The following STIMATE variants were observed in gnomAD, a reference collection of about 807,000 sequenced individuals.
The protein encoded by STIMATE is STIM activating enhancer.
In STIMATE, 15 loss-of-function variants were observed where a neutral mutation model predicts 36.7. That is an observed-to-expected ratio of 0.41 (90% CI 0.27 to 0.63). The LOEUF is 0.63. Among genes scored for constraint, STIMATE ranks in the 20% least tolerant of loss-of-function variants. The probability of loss-of-function intolerance (pLI) is 0.32; values close to 1 mark genes in which losing one functional copy is unlikely to be tolerated. For synonymous variants in STIMATE, 163 were observed against 162.3 expected, an observed-to-expected ratio of 1.00 and a Z score of -0.03; for missense variants, 305 against 397.3, an observed-to-expected ratio of 0.77 and a Z score of 1.98.
At position 52,887,997 on chromosome 3, in the gene STIMATE, T is replaced by TG. The variant is rs1701718959; in HGVS notation, c.160+9293_160+9294insC. Among the ~76,000 whole-genome samples the TG allele has an allele frequency of 5.1e-5, 6 of 117,924 alleles. 1 individual carries two copies. Among genetic ancestry groups the TG allele is most frequent in the South Asian group, 6.1e-4 (2 of 3,268 alleles). 77.4% of individuals were successfully genotyped at this position (117,924 alleles called of 152,430 possible). A position where few individuals can be genotyped will look rare whatever the true frequency, so the allele number is the denominator to read the frequency against. On this transcript the variant is annotated intron_variant, in intron 1 of 7. Coordinates refer to ENST00000355083, the MANE Select transcript of STIMATE (RefSeq NM_198563.5). ...CTAACTTCATATAACAGAATCAGTT[T>TG]TTTTTTTTTTTTTTTTTTTTTTTTG...
At chr3:52,840,654 C>T (rs1700781143) in intron 7 of STIMATE, 44 bp from the exon 8 acceptor site, 1 of 1,572,644 alleles carries the variant, frequency 6.4e-7, no homozygotes, top group South Asian at 1.1e-5. Context: ...CCCAGCAGGG[C>T]CTTCTTCATT....
chr3:52,889,421 C>G (rs547007724), intron 1 of STIMATE, among the ~76,000 whole-genome samples: 17 of 152,306 alleles, frequency 1.1e-4, no homozygotes, highest in East Asian at 3.9e-4. Context: ...CTATGGCAGA[C>G]AATCCATAAA....
intron 1 of STIMATE, among the ~76,000 whole-genome samples, chr3:52,877,429 A>T (rs1701518502): frequency 6.6e-6 from 1 of 152,166 alleles, no homozygotes; most frequent in Non-Finnish European, 1.5e-5. Flanking sequence ...CAAACCAATG[A>T]GCATAAGTAA....
chr3:52,888,705 G>A (rs1314148350), intron 1 of STIMATE, among the ~76,000 whole-genome samples: 1 of 152,224 alleles, frequency 6.6e-6, no homozygotes, highest in African/African-American at 2.4e-5. Flanking sequence ...CCATGGACTA[G>A]ACAAAAGCTT....
At chr3:52,865,494 G>A (rs564970053) in intron 1 of STIMATE, among the ~76,000 whole-genome samples, 1 of 152,288 alleles carries the variant, frequency 6.6e-6, no homozygotes, top group East Asian at 1.9e-4. Flanking sequence ...TCAGAATCAT[G>A]GTGGGAGGCA....
At chr3:52,867,201 C>T (rs540163473) in intron 1 of STIMATE, among the ~76,000 whole-genome samples, 19 of 152,302 alleles carry the variant, frequency 1.2e-4, no homozygotes, top group East Asian at 7.7e-4. Flanking sequence ...GAAAATCCAC[C>T]GAGGCAATTC....
At chr3:52,897,183 C>G in intron 1 of STIMATE, 108 bp downstream of exon 1, 1 of 1,394,178 alleles carries the variant, frequency 7.2e-7, no homozygotes, top group African/African-American at 1.5e-5. Flanking sequence ...GGGGGAGGAG[C>G]AATTCGGGTC....
At chr3:52,863,225 T>C (rs968894616) in intron 1 of STIMATE, among the ~76,000 whole-genome samples, 2 of 152,048 alleles carry the variant, frequency 1.3e-5, no homozygotes, top group African/African-American at 4.8e-5. Context: ...TACCCGAGAC[T>C]GGGAAGAAAA....
In STIMATE at chr3:52,891,863, G is replaced by A. The variant is rs142870807; in HGVS notation, c.160+5428C>T. On this transcript the variant is annotated intron_variant, in intron 1 of 7. Coordinates refer to ENST00000355083, the MANE Select transcript of STIMATE (RefSeq NM_198563.5). Reference sequence around the variant, plus strand: ...ACAAGGATGAAGACACACCCCCAAGGAGGGCCTAACATGTGCCTGACACCA... The same window carrying A: ...ACAAGGATGAAGACACACCCCCAAGAAGGGCCTAACATGTGCCTGACACCA... Among the ~76,000 whole-genome samples, 865 of 152,256 alleles carry A rather than the reference G, an allele frequency of 5.7e-3. 6 individuals carry two copies. The highest frequency in any genetic ancestry group is 9.2e-3 in the Non-Finnish European group (629 of 68,018).
In STIMATE at chr3:52,873,272, T is replaced by C. The variant is rs1027414002; in HGVS notation, c.161-17828A>G. Among the ~76,000 whole-genome samples, 56 of 152,240 alleles carry C rather than the reference T, an allele frequency of 3.7e-4. 1 individual carries two copies. The highest frequency in any genetic ancestry group is 3.7e-3 in the Admixed American group (56 of 15,278). On this transcript the variant is annotated intron_variant, in intron 1 of 7. Coordinates refer to ENST00000355083, the MANE Select transcript of STIMATE (RefSeq NM_198563.5). ...CGAGGGGGCATTATCACTGTATGTG[T>C]GTTCCATGGGGGATTCTGTTTGATG...
At chr3:52,892,104 C>T (rs1239498197) in intron 1 of STIMATE, among the ~76,000 whole-genome samples, 5 of 152,174 alleles carry the variant, frequency 3.3e-5, no homozygotes, top group African/African-American at 1.2e-4. Context: ...ACCCCTTCAA[C>T]AAATCTTCAT....
intron 5 of STIMATE, among the ~76,000 whole-genome samples, chr3:52,844,385 C>T (rs373415181): frequency 2.6e-5 from 4 of 152,168 alleles, no homozygotes; most frequent in East Asian, 1.9e-4. Context: ...GGTCAGAGGG[C>T]GGAAGCCACG....
intron 2 of STIMATE, among the ~76,000 whole-genome samples, chr3:52,854,228 T>C (rs1400129999): frequency 6.6e-6 from 1 of 152,172 alleles, no homozygotes; most frequent in Non-Finnish European, 1.5e-5. Context: ...CTAAACCTCA[T>C]GGAATTTCCC....
chr3:52,887,653 C>T (rs924139419), intron 1 of STIMATE, among the ~76,000 whole-genome samples: 2 of 152,318 alleles, frequency 1.3e-5, no homozygotes. Context: ...CACGACCTGC[C>T]TCCATGCCCT....
At chr3:52,881,691 G>A (rs1166003046) in intron 1 of STIMATE, among the ~76,000 whole-genome samples, 2 of 152,188 alleles carry the variant, frequency 1.3e-5, no homozygotes, top group Non-Finnish European at 2.9e-5. Context: ...GACAGAGTGA[G>A]ACTCCGTCTC....
Position 52,855,430 on chromosome 3 carries a change from C to T in STIMATE, c.175G>A (p.Glu59Lys). The change falls in exon 2 of 8, where the codon GAA becomes AAA. Residue 59 changes from glutamate (E) to lysine (K), a missense_variant. This residue lies in a region of STIMATE where 164 missense variants were observed against 257.9 expected (regional missense o/e 0.64). Transcript: ENST00000355083. Reference protein sequence around the residue: ...FSTLMLKRFREPKHERRPWRI... With the variant: ...FSTLMLKRFRKPKHERRPWRI... ...CACGGACGTCTTTCATGCTTTGGTT[C>T]TCTGAAGCGTTTGACTGAAAGAAAA... is the stretch of plus-strand genomic sequence containing the variant. 6.2e-7 allele frequency: 1 copy of T among 1,611,880 alleles called. No homozygotes were observed.
intron 2 of STIMATE, among the ~76,000 whole-genome samples, chr3:52,854,803 G>C (rs945904087): frequency 3.3e-5 from 5 of 152,188 alleles, no homozygotes; most frequent in Admixed American, 2.6e-4. Context: ...TGTGGATTCT[G>C]TTCTAACTCC....
At chr3:52,843,063 G>A in intron 6 of STIMATE, 103 bp from the exon 7 acceptor site, 1 of 1,535,974 alleles carries the variant, frequency 6.5e-7, no homozygotes, top group Non-Finnish European at 8.8e-7. Context: ...ATAAGATCCA[G>A]AGCTATGGAA....
intron 1 of STIMATE, among the ~76,000 whole-genome samples, chr3:52,883,120 C>T (rs1436682483): frequency 6.6e-6 from 1 of 152,162 alleles, no homozygotes; most frequent in African/African-American, 2.4e-5. Context: ...ATGGTCATTA[C>T]CAGGTTTGGA....
Sources: allele counts gnomAD v4.1 joint callset (sites outside exome capture counted in the v4.1 genomes callset), GRCh38; gene constraint gnomAD v4.1.1; regional missense constraint gnomAD v4.1.1; transcripts MANE v1.5; gene names NCBI Gene and HGNC (gene_info 2026-07-23, HGNC 2026-07-21).